The following PIH1D2 variants were observed in gnomAD, a reference collection of about 807,000 sequenced individuals.
PIH1D2 encodes PIH1 domain-containing protein 2.
A neutral mutation model predicts 31.2 loss-of-function variants in PIH1D2; 25 were observed. The observed-to-expected ratio is 0.80, with a 90% CI of 0.58 to 1.12. PIH1D2 has a LOEUF of 1.12. Ranked by LOEUF, PIH1D2 falls within the 50% of genes most tolerant of loss-of-function variation. PIH1D2 has a pLI of 0.00. For synonymous variants in PIH1D2, 116 were observed against 119.9 expected (o/e 0.97, Z 0.21); for missense variants, 310 against 356.6 (o/e 0.87, Z 1.05).
At chr11:112,070,055 C>T (rs1438082046) in intron 5 of PIH1D2, 4 of 324,810 alleles carry the variant, frequency 1.2e-5, no homozygotes, top group Non-Finnish European at 1.7e-5. Flanking sequence ...GTAGGACTGA[C>T]TCTAACTATT....
the PIH1D2 span, among the ~76,000 whole-genome samples, chr11:112,055,526 G>C: frequency 6.6e-6 from 1 of 151,874 alleles, no homozygotes; most frequent in African/African-American, 2.4e-5. Flanking sequence ...TTACAGGCGT[G>C]AGCCACCGCG....
chr11:112,058,164 T>G, the PIH1D2 span, among the ~76,000 whole-genome samples: 3 of 152,256 alleles, frequency 2.0e-5, no homozygotes, highest in Non-Finnish European at 4.4e-5. Flanking sequence ...TCAACATTTA[T>G]TTAACATGTA....
intron 5 of PIH1D2, 113 bp downstream of exon 5, chr11:112,070,323 A>G: frequency 1.6e-6 from 2 of 1,287,692 alleles, no homozygotes; most frequent in African/African-American, 1.5e-5. Flanking sequence ...TTCACCGGGT[A>G]ACCTGAGCAA....
At chr11:112,059,050 GT>G (rs1339288583), downstream of PIH1D2, among the ~76,000 whole-genome samples, 1 of 148,402 alleles carries the variant, frequency 6.7e-6, no homozygotes, top group Non-Finnish European at 1.5e-5. Context: ...CTGATATTGT[GT>G]AAAAAAAAAA....
chr11:112,061,179 G>A (rs782030641), downstream of PIH1D2: 24 of 1,614,030 alleles, frequency 1.5e-5, no homozygotes, highest in South Asian at 2.4e-4. Flanking sequence ...AAAAGGGTAA[G>A]TGCCAAAATG....
intron 2 of PIH1D2, among the ~76,000 whole-genome samples, chr11:112,072,549 C>CAAAAAAA (rs148760956): frequency 2.8e-5 from 1 of 36,358 alleles, no homozygotes; most frequent in Non-Finnish European, 4.4e-5. Flanking sequence ...GACCCTATCT[C>CAAAAAAA]AAAAAAAAAA....
rs1191902612 is a variant in PIH1D2, at chr11:112,071,425, C to T, written c.302-142G>A. ...AGAGGTAATCACAGTAGTGCTACAG[C>T]AATTATGACATTTCTTGGCACTTTT... On this transcript the variant is annotated intron_variant, in intron 3 of 5. Coordinates refer to ENST00000280350, the MANE Select transcript of PIH1D2 (RefSeq NM_138789.4). 2.7e-5 allele frequency: 35 copies of T among 1,278,892 alleles called. 1 individual carries two copies. In the South Asian group the frequency reaches 4.5e-4, roughly 16 times the overall value. The allele number at this position is 1,278,892 out of a possible 1,614,324, so 79.2% of individuals were successfully genotyped here.
chr11:112,061,922 T>A (rs994609168), downstream of PIH1D2, among the ~76,000 whole-genome samples: 1 of 152,180 alleles, frequency 6.6e-6, no homozygotes, highest in Non-Finnish European at 1.5e-5. Flanking sequence ...CATGCTATAT[T>A]GTATCTTCAA....
intron 5 of PIH1D2, chr11:112,069,712 CTAAG>C (rs1429773443): frequency 8.5e-5 from 13 of 152,158 alleles, no homozygotes; most frequent in African/African-American, 2.9e-4. Flanking sequence ...CTCAAGGAAC[CTAAG>C]TAAGAACATC....
At chr11:112,057,120 A>G in the PIH1D2 span, among the ~76,000 whole-genome samples, 1 of 152,218 alleles carries the variant, frequency 6.6e-6, no homozygotes, top group Non-Finnish European at 1.5e-5. Flanking sequence ...CCCATGAACC[A>G]TGCCCATATA....
At chr11:112,058,185 G>A in the PIH1D2 span, among the ~76,000 whole-genome samples, 4 of 152,136 alleles carry the variant, frequency 2.6e-5, no homozygotes, top group Non-Finnish European at 5.9e-5. Context: ...CTGTTTACTG[G>A]ATTCAGTGGT....
chr11:112,054,248 G>A, the PIH1D2 span, among the ~76,000 whole-genome samples: 255 of 152,120 alleles, frequency 1.7e-3, 2 homozygotes, highest in African/African-American at 5.7e-3. Flanking sequence ...CCTGGGAGGC[G>A]GAGGTTGCAG....
downstream of PIH1D2, chr11:112,059,881 AT>A: frequency 1.9e-6 from 3 of 1,548,302 alleles, no homozygotes; most frequent in Non-Finnish European, 2.6e-6. Context: ...TTTTTATTAT[AT>A]TTATTTTTCT....
chr11:112,061,286 C>A, downstream of PIH1D2: 1 of 1,108,410 alleles, frequency 9.0e-7, no homozygotes, highest in Non-Finnish European at 1.4e-6. Context: ...TATCGTGATC[C>A]ACAATGCTCA....
intron 3 of PIH1D2, 148 bp from the exon 4 acceptor site, chr11:112,071,431 T>C: frequency 7.8e-7 from 1 of 1,277,544 alleles, no homozygotes; most frequent in Non-Finnish European, 1.1e-6. Context: ...ACAGCAATTA[T>C]GACATTTCTT....
At chr11:112,060,814 C>T (rs1367980958), downstream of PIH1D2, among the ~76,000 whole-genome samples, 1 of 152,122 alleles carries the variant, frequency 6.6e-6, no homozygotes, top group Non-Finnish European at 1.5e-5. Context: ...AAGTAAAATT[C>T]AATCATATAT....
At chr11:112,073,520 GA>G (rs1245237915) in intron 1 of PIH1D2, among the ~76,000 whole-genome samples, 1 of 152,106 alleles carries the variant, frequency 6.6e-6, no homozygotes, top group Non-Finnish European at 1.5e-5. Flanking sequence ...CCCCAGTTCT[GA>G]AATTGCCAGA....
At chr11:112,063,990 G>T, downstream of PIH1D2, 5 of 501,086 alleles carry the variant, frequency 1.0e-5, no homozygotes, top group Non-Finnish European at 1.7e-5. Context: ...ATTATTACAT[G>T]GTACACAAGT....
At chr11:112,068,998 G>GTTT (rs1250203455) in intron 5 of PIH1D2, among the ~76,000 whole-genome samples, 9 of 79,340 alleles carry the variant, frequency 1.1e-4, no homozygotes, top group Admixed American at 5.1e-4. Context: ...TTTTTTTTTT[G>GTTT]TTTTTTTTTT....
Sources: allele counts gnomAD v4.1 joint callset (sites outside exome capture counted in the v4.1 genomes callset), GRCh38; gene constraint gnomAD v4.1.1; transcripts MANE v1.5; gene names NCBI Gene and HGNC (gene_info 2026-07-23, HGNC 2026-07-21).